CPNE4: variants seen among roughly 807,000 people sequenced by gnomAD.
CPNE4 encodes the protein copine-4.
Under a neutral mutation model 67.9 loss-of-function variants are expected in CPNE4, and 25 were observed. The ratio of observed to expected loss-of-function variants is 0.37; its 90% CI spans 0.27 to 0.51. CPNE4 has a LOEUF of 0.51. Among genes scored for constraint, CPNE4 ranks in the 20% least tolerant of loss-of-function variants. The pLI is 0.93. For missense variants in CPNE4, 464 were observed against 690.8 expected (o/e 0.67, Z 3.68); for synonymous variants, 242 against 244.9 (o/e 0.99, Z 0.11).
intron 7 of CPNE4, among the ~76,000 whole-genome samples, chr3:131,598,552 A>G (rs1939021596): frequency 6.6e-6 from 1 of 152,178 alleles, no homozygotes; most frequent in Non-Finnish European, 1.5e-5. Context: ...CATTTTTTAT[A>G]GATGATGATC....
At chr3:131,750,432 T>A (rs1250829896) in intron 2 of CPNE4, among the ~76,000 whole-genome samples, 1 of 152,186 alleles carries the variant, frequency 6.6e-6, no homozygotes, top group Non-Finnish European at 1.5e-5. Context: ...AAATTTCATT[T>A]CGATTTATGT....
chr3:131,808,570 G>A (rs2084409319), intron 2 of CPNE4, among the ~76,000 whole-genome samples: 1 of 152,022 alleles, frequency 6.6e-6, no homozygotes, highest in Non-Finnish European at 1.5e-5. Context: ...TCATCAAAAT[G>A]TAGCAACAAG....
At position 131,908,892 on chromosome 3, in the gene CPNE4, T is replaced by A. The variant is rs147966880; in HGVS notation, c.-1-3448A>T. Among the ~76,000 whole-genome samples, 123 of 152,198 alleles carry A rather than the reference T, an allele frequency of 8.1e-4. No individual in the cohort carries two copies. The Middle Eastern group carries it at 0.014, about 17-fold the overall frequency. Reference sequence around the variant, plus strand: ...TTGAAGAGGTGCTGTAAAGAGCAGATTAAATAATATATGTAATGTGATTAC... The same window carrying A: ...TTGAAGAGGTGCTGTAAAGAGCAGAATAAATAATATATGTAATGTGATTAC... On this transcript the variant is annotated intron_variant, in intron 1 of 15. Transcript: ENST00000429747.
intron 2 of CPNE4, among the ~76,000 whole-genome samples, chr3:131,787,483 T>G (rs2083598937): frequency 6.6e-6 from 1 of 152,166 alleles, no homozygotes; most frequent in Non-Finnish European, 1.5e-5. Context: ...ACTAATTTAC[T>G]GACTGGATGC....
intron 6 of CPNE4, among the ~76,000 whole-genome samples, chr3:131,679,277 A>G (rs184395549): frequency 6.6e-6 from 1 of 151,878 alleles, no homozygotes; most frequent in Admixed American, 6.6e-5. Flanking sequence ...CAGTGGTAAT[A>G]TCCCTCTTAT....
chr3:131,927,963 G>A (rs938503876), intron 1 of CPNE4, among the ~76,000 whole-genome samples: 1 of 152,162 alleles, frequency 6.6e-6, no homozygotes, highest in Non-Finnish European at 1.5e-5. Flanking sequence ...AAAATTGGAT[G>A]TATGCATGAG....
chr3:131,741,358 T>A (rs1272589621), intron 2 of CPNE4, among the ~76,000 whole-genome samples: 1 of 152,150 alleles, frequency 6.6e-6, no homozygotes, highest in Non-Finnish European at 1.5e-5. Context: ...CATTTATACC[T>A]AATGAGATAA....
chr3:131,575,228 C>A (rs1937522517), intron 9 of CPNE4, 98 bp from the exon 10 acceptor site: 1 of 965,214 alleles, frequency 1.0e-6, no homozygotes, highest in Non-Finnish European at 1.7e-6. Context: ...GCTGCTAAAC[C>A]AGAGGAAAGG....
At chr3:131,661,500 C>T (rs946564060) in intron 7 of CPNE4, among the ~76,000 whole-genome samples, 8 of 152,136 alleles carry the variant, frequency 5.3e-5, no homozygotes, top group South Asian at 2.1e-4. Flanking sequence ...TATTGATTTC[C>T]GATTTCAGTA....
chr3:131,740,933 C>T (rs79531294), intron 2 of CPNE4, among the ~76,000 whole-genome samples: 5,840 of 152,184 alleles, frequency 0.038, 400 homozygotes, highest in African/African-American at 0.13. Context: ...GTGTCAGGGC[C>T]TTTGCCTTTG....
chr3:131,784,372 C>A (rs534285570), intron 2 of CPNE4, among the ~76,000 whole-genome samples: 1 of 152,156 alleles, frequency 6.6e-6, no homozygotes, highest in Admixed American at 6.6e-5. Context: ...ATTTATAGCA[C>A]CCTCACTTCT....
At chr3:131,863,440 T>G (rs1256215491) in intron 2 of CPNE4, among the ~76,000 whole-genome samples, 1 of 152,252 alleles carries the variant, frequency 6.6e-6, no homozygotes, top group Admixed American at 6.5e-5. Context: ...GGTTTCGATT[T>G]GCATTTCTCT....
rs932780755 is a variant in CPNE4, at chr3:131,882,718, G to T, written c.180+22546C>A. On this transcript the variant is annotated intron_variant, in intron 2 of 15. Transcript: ENST00000429747. ...TTGGTACAAAAGTAATTGCAGTTCT[G>T]CTCTATTTTTTTTTTTTTTTTGAGA... Among the ~76,000 whole-genome samples, 3 of 132,270 alleles carry T rather than the reference G, an allele frequency of 2.3e-5. No homozygotes were observed. In the South Asian group the frequency reaches 7.2e-4, roughly 32 times the overall value. The allele number at this position is 132,270 out of a possible 152,430, so 86.8% of individuals were successfully genotyped here.
chr3:131,766,718 A>G (rs1458826241), intron 2 of CPNE4, among the ~76,000 whole-genome samples: 1 of 152,176 alleles, frequency 6.6e-6, no homozygotes, highest in African/African-American at 2.4e-5. Flanking sequence ...AGCCGTACAA[A>G]ATGCTCGTTA....
intron 7 of CPNE4, among the ~76,000 whole-genome samples, chr3:131,665,705 A>T (rs1295234893): frequency 2.0e-5 from 3 of 150,422 alleles, no homozygotes; most frequent in Non-Finnish European, 4.4e-5. Flanking sequence ...AAGAAAAGAG[A>T]AAAAGAAAAA....
intron 2 of CPNE4, among the ~76,000 whole-genome samples, chr3:131,898,136 T>C (rs563354061): frequency 6.6e-6 from 1 of 152,158 alleles, no homozygotes; most frequent in Non-Finnish European, 1.5e-5. Context: ...TAATTATCAA[T>C]AGTGAGTCTA....
rs938188716 is a variant in CPNE4, at chr3:131,707,251, C to T, written c.361-7271G>A. On this transcript the variant is annotated intron_variant, in intron 3 of 15. Transcript: ENST00000429747. ...GGCAGAGCCACACTCTCTCCAGAGGCTTTAGGGGAGATTCTGCTTCTTGTC... is the reference window on the plus strand; with the variant it reads ...GGCAGAGCCACACTCTCTCCAGAGGTTTTAGGGGAGATTCTGCTTCTTGTC... Among the ~76,000 whole-genome samples, 4 of 152,168 alleles carry T rather than the reference C, an allele frequency of 2.6e-5. No individual in the cohort carries two copies. The East Asian group carries it at 7.7e-4, about 29-fold the overall frequency.
At chr3:131,650,174 A>G (rs1587679) in intron 7 of CPNE4, among the ~76,000 whole-genome samples, 46,054 of 152,076 alleles carry the variant, frequency 0.3, 10,084 homozygotes, top group African/African-American at 0.62. Flanking sequence ...CTTTAATTAG[A>G]TATAATTCAA....
At chr3:131,719,220 C>G (rs1467736426) in intron 3 of CPNE4, among the ~76,000 whole-genome samples, 1 of 152,208 alleles carries the variant, frequency 6.6e-6, no homozygotes, top group Admixed American at 6.5e-5. Flanking sequence ...CTCCTCTCAT[C>G]CTTCCCTAGG....
Sources: allele counts gnomAD v4.1 joint callset (sites outside exome capture counted in the v4.1 genomes callset), GRCh38; gene constraint gnomAD v4.1.1; transcripts MANE v1.5; gene names NCBI Gene and HGNC (gene_info 2026-07-23, HGNC 2026-07-21).